The following IGF1R variants were observed in gnomAD, a reference collection of about 807,000 sequenced individuals.
IGF1R encodes insulin like growth factor 1 receptor, also known as insulin-like growth factor 1 receptor.
In IGF1R, 44 loss-of-function variants were observed where a neutral mutation model predicts 144.6. The ratio of observed to expected loss-of-function variants is 0.30; its 90% CI spans 0.24 to 0.39. The LOEUF is 0.39. IGF1R is among the 10% of genes least tolerant of loss of function. IGF1R has a pLI of 1.00. For synonymous variants in IGF1R, 795 were observed against 722.8 expected, an observed-to-expected ratio of 1.10 and a Z score of -1.60; for missense variants, 1,355 against 1,833.7, an observed-to-expected ratio of 0.74 and a Z score of 4.77.
chr15:98,877,775 C>G (rs2013138086), intron 2 of IGF1R, among the ~76,000 whole-genome samples: 1 of 152,108 alleles, frequency 6.6e-6, no homozygotes, highest in Non-Finnish European at 1.5e-5. Flanking sequence ...AAAAATCTAC[C>G]TCCCTAGGTA....
intron 2 of IGF1R, among the ~76,000 whole-genome samples, chr15:98,735,018 G>A (rs972982836): frequency 2.6e-5 from 4 of 152,130 alleles, no homozygotes; most frequent in Admixed American, 2.6e-4. Flanking sequence ...CTGGTCCTGT[G>A]TGAGACCCTG....
chr15:98,749,210 A>G (rs1375014493), intron 2 of IGF1R, among the ~76,000 whole-genome samples: 1 of 151,240 alleles, frequency 6.6e-6, no homozygotes, highest in Non-Finnish European at 1.5e-5. Context: ...TTACGTAAAT[A>G]CCCTTTAATT....
chr15:98,873,071 T>G (rs2012870701), intron 2 of IGF1R, among the ~76,000 whole-genome samples: 1 of 152,116 alleles, frequency 6.6e-6, no homozygotes, highest in Admixed American at 6.5e-5. Flanking sequence ...AAGCCAAGGA[T>G]GTCAAGGGGC....
At chr15:98,740,387 C>T (rs2054710475) in intron 2 of IGF1R, among the ~76,000 whole-genome samples, 1 of 152,136 alleles carries the variant, frequency 6.6e-6, no homozygotes, top group South Asian at 2.1e-4. Context: ...AAGCATTTAA[C>T]AGGTCAAGGA....
intron 2 of IGF1R, among the ~76,000 whole-genome samples, chr15:98,760,065 C>T (rs947615136): frequency 2.0e-5 from 3 of 151,926 alleles, no homozygotes; most frequent in African/African-American, 4.8e-5. Flanking sequence ...TCTGACTGGG[C>T]GCGGTGGCTC....
At chr15:98,666,237 G>A (rs1466268242) in intron 1 of IGF1R, among the ~76,000 whole-genome samples, 2 of 151,968 alleles carry the variant, frequency 1.3e-5, no homozygotes, top group Non-Finnish European at 2.9e-5. Flanking sequence ...GCCAGGATGT[G>A]GAGATGTTGG....
chr15:98,713,168 G>C (rs961943445), intron 2 of IGF1R, among the ~76,000 whole-genome samples: 8 of 152,036 alleles, frequency 5.3e-5, no homozygotes, highest in Non-Finnish European at 1.5e-5. Context: ...GGATGTAAAG[G>C]CTCTGCAGAT....
intron 2 of IGF1R, among the ~76,000 whole-genome samples, chr15:98,759,844 T>C (rs2055248752): frequency 6.6e-6 from 1 of 152,184 alleles, no homozygotes; most frequent in Admixed American, 6.5e-5. Context: ...TCAGCCACAA[T>C]GTGTCTTGCA....
chr15:98,957,271 G>C lies in IGF1R; in HGVS notation c.3933G>C (p.Ser1311=), dbSNP rs772548144. The C allele has an allele frequency of 6.2e-7, 1 of 1,613,902 alleles. No individual in the cohort carries two copies. Among genetic ancestry groups the C allele is most frequent in the South Asian group, 1.1e-5 (1 of 91,070 alleles). ...TCCCCCTGGACCCCTCGGCCTCCTC[G>C]TCCTCCCTGCCACTGCCCGACAGAC... ...ESVPLDPSAS[S]SSLPLPDRHS... is the part of the protein sequence containing the mutation. The change falls in exon 21 of 21, where the codon TCG becomes TCC. Residue 1311 remains serine (S), a synonymous_variant. Coordinates refer to ENST00000650285, the MANE Select transcript of IGF1R (RefSeq NM_000875.5).
chr15:98,706,577 T>C (rs2053866368), intron 1 of IGF1R, among the ~76,000 whole-genome samples: 1 of 137,832 alleles, frequency 7.3e-6, no homozygotes. Context: ...TGTCCAACAA[T>C]AAGGGATTGG....
At chr15:98,915,925 C>G (rs1246668903) in intron 8 of IGF1R, 39 bp from the exon 9 acceptor site, 11 of 1,600,984 alleles carry the variant, frequency 6.9e-6, no homozygotes, top group Non-Finnish European at 8.6e-6. Flanking sequence ...CTCTTAAGTT[C>G]ATTTCATTTT....
intron 18 of IGF1R, among the ~76,000 whole-genome samples, chr15:98,940,343 T>G (rs1025433533): frequency 6.6e-6 from 1 of 152,216 alleles, no homozygotes; most frequent in Admixed American, 6.5e-5. Context: ...TTTTTTCCTT[T>G]AGTAGTGATG....
chr15:98,662,455 G>GGAGTGGGAGTGGAAGGT (rs1210113438), intron 1 of IGF1R, among the ~76,000 whole-genome samples: 4 of 150,422 alleles, frequency 2.7e-5, no homozygotes, highest in African/African-American at 7.3e-5. Context: ...CTGTGGAAGG[G>GGAGTGGGAGTGGAAGGT]GAGTGGGAGT....
intron 2 of IGF1R, among the ~76,000 whole-genome samples, chr15:98,723,720 C>G (rs1195636390): frequency 5.9e-5 from 9 of 152,176 alleles, no homozygotes; most frequent in Non-Finnish European, 1.5e-5. Flanking sequence ...AGCTAACATC[C>G]CCGGGCCTGG....
chr15:98,820,708 A>G (rs1887996189), intron 2 of IGF1R, among the ~76,000 whole-genome samples: 1 of 152,252 alleles, frequency 6.6e-6, no homozygotes, highest in South Asian at 2.1e-4. Context: ...ATGATTTTAC[A>G]CATTAAGTGC....
chr15:98,930,667 C>T (rs556806876), intron 15 of IGF1R, among the ~76,000 whole-genome samples: 1 of 152,270 alleles, frequency 6.6e-6, no homozygotes, highest in Admixed American at 6.5e-5. Context: ...GCTGACAAAA[C>T]AGTCCTTTTA....
intron 1 of IGF1R, among the ~76,000 whole-genome samples, chr15:98,658,276 G>GATC (rs2052530129): frequency 6.6e-6 from 1 of 152,100 alleles, no homozygotes; most frequent in South Asian, 2.1e-4. Flanking sequence ...CCTCAATACT[G>GATC]AATAGCAGAA....
chr15:98,699,318 A>G (rs1299799186), intron 1 of IGF1R, among the ~76,000 whole-genome samples: 1 of 152,164 alleles, frequency 6.6e-6, no homozygotes, highest in African/African-American at 2.4e-5. Context: ...TGAGGCAAAG[A>G]TCTCTGGCTC....
chr15:98,800,439 A>G (rs1297728587), intron 2 of IGF1R, among the ~76,000 whole-genome samples: 2 of 152,178 alleles, frequency 1.3e-5, no homozygotes, highest in East Asian at 1.9e-4. Context: ...TCTCTACCCC[A>G]ATTTGGCAAT....
Sources: allele counts gnomAD v4.1 joint callset (sites outside exome capture counted in the v4.1 genomes callset), GRCh38; gene constraint gnomAD v4.1.1; transcripts MANE v1.5; gene names NCBI Gene and HGNC (gene_info 2026-07-23, HGNC 2026-07-21).